Variants in ADGRV1 observed in about 807,000 individuals in gnomAD.
ADGRV1 encodes the protein adhesion G protein-coupled receptor V1.
ADGRV1 carries 359 observed loss-of-function variants against 596.2 expected under a neutral mutation model. That is an observed-to-expected ratio of 0.60 (90% CI 0.55 to 0.66). The LOEUF (loss-of-function observed/expected upper bound fraction) is 0.66. ADGRV1 is among the 30% of genes least tolerant of loss of function. The probability of loss-of-function intolerance (pLI) is 0.00; values close to 1 mark genes in which losing one functional copy is unlikely to be tolerated. For synonymous variants in ADGRV1, 2,681 were observed against 2,679.2 expected, an observed-to-expected ratio of 1.00 and a Z score of -0.02; for missense variants, 7,274 against 7,575.6, an observed-to-expected ratio of 0.96 and a Z score of 1.48.
intron 85 of ADGRV1, among the ~76,000 whole-genome samples, chr5:91,042,901 A>G (rs1006757789): frequency 6.6e-6 from 1 of 152,056 alleles, no homozygotes; most frequent in African/African-American, 2.4e-5. Context: ...TCAACTCTTT[A>G]TTGAGATCCT....
intron 87 of ADGRV1, among the ~76,000 whole-genome samples, chr5:91,131,813 C>T (rs1029015165): frequency 2.6e-5 from 4 of 152,062 alleles, no homozygotes; most frequent in Admixed American, 6.6e-5. Flanking sequence ...TCCCAATTGT[C>T]GATTTTTGTT....
chr5:91,019,377 T>C (rs545494573), intron 85 of ADGRV1, among the ~76,000 whole-genome samples: 23 of 152,160 alleles, frequency 1.5e-4, no homozygotes, highest in African/African-American at 5.3e-4. Flanking sequence ...GATTGTTGTC[T>C]CCTTTAATCT....
chr5:90,962,912 C>A (rs1320655054), intron 83 of ADGRV1, among the ~76,000 whole-genome samples: 2 of 152,004 alleles, frequency 1.3e-5, no homozygotes, highest in Non-Finnish European at 2.9e-5. Flanking sequence ...TAAACAAGAA[C>A]CTGTACTGAT....
chr5:91,061,368 T>C (rs1036234925), intron 85 of ADGRV1, among the ~76,000 whole-genome samples: 1 of 152,178 alleles, frequency 6.6e-6, no homozygotes, highest in Non-Finnish European at 1.5e-5. Context: ...AACAGGCTGC[T>C]CAGACTTGAG....
At chr5:90,587,131 T>A (rs1463157277) in intron 1 of ADGRV1, among the ~76,000 whole-genome samples, 1 of 152,214 alleles carries the variant, frequency 6.6e-6, no homozygotes, top group Non-Finnish European at 1.5e-5. Flanking sequence ...ATATTCCACG[T>A]GTTTCAAACA....
chr5:91,055,054 A>G (rs1390925881), intron 85 of ADGRV1, among the ~76,000 whole-genome samples: 1 of 152,200 alleles, frequency 6.6e-6, no homozygotes, highest in Non-Finnish European at 1.5e-5. Context: ...TAAACATTTA[A>G]ACACATATTA....
chr5:90,957,790 G>C (rs1777613507), intron 83 of ADGRV1, among the ~76,000 whole-genome samples: 1 of 151,348 alleles, frequency 6.6e-6, no homozygotes, highest in Non-Finnish European at 1.5e-5. Context: ...TATGCCAGGA[G>C]ATCAGGAGAG....
At chr5:90,824,704 A>C (rs1763922139) in intron 76 of ADGRV1, among the ~76,000 whole-genome samples, 1 of 152,208 alleles carries the variant, frequency 6.6e-6, no homozygotes, top group African/African-American at 2.4e-5. Flanking sequence ...CTTTACGTGA[A>C]ACAATGTGCT....
At position 90,651,687 on chromosome 5, in the gene ADGRV1, C is replaced by T; in HGVS notation, c.3373C>T (p.Pro1125Ser). The change falls in exon 18 of 90, where the codon CCC (proline) becomes TCC (serine). Residue 1125 changes from proline (P) to serine (S), a missense_variant. Transcript: ENST00000405460. ...DDPNGIFSLEPIDKAVEEGKT... is the reference protein window; with the variant it reads ...DDPNGIFSLESIDKAVEEGKT... ...CCCAAATGGCATTTTTTCTCTGGAG[C>T]CCATAGACAAAGCAGTGGAAGAAGG... The T allele has an allele frequency of 6.2e-7, 1 of 1,612,358 alleles. No homozygotes were observed. The highest frequency in any genetic ancestry group is 8.5e-7 in the Non-Finnish European group (1 of 1,178,942).
chr5:91,027,070 A>T (rs1390402547), intron 85 of ADGRV1, among the ~76,000 whole-genome samples: 1 of 151,492 alleles, frequency 6.6e-6, no homozygotes, highest in East Asian at 2.0e-4. Flanking sequence ...TGAACCCAGG[A>T]GGCAGAGGTT....
chr5:90,592,827 G>C (rs1759700628), intron 1 of ADGRV1, among the ~76,000 whole-genome samples: 1 of 152,206 alleles, frequency 6.6e-6, no homozygotes, highest in African/African-American at 2.4e-5. Context: ...CATTTATGCA[G>C]CCAACAGACA....
At chr5:91,040,425 G>T (rs1003611904) in intron 85 of ADGRV1, among the ~76,000 whole-genome samples, 36 of 152,168 alleles carry the variant, frequency 2.4e-4, no homozygotes, top group African/African-American at 8.7e-4. Flanking sequence ...GGAATCCTGT[G>T]TTGGGTGAAT....
At chr5:90,712,704 T>C (rs894969845) in intron 42 of ADGRV1, among the ~76,000 whole-genome samples, 1 of 152,200 alleles carries the variant, frequency 6.6e-6, no homozygotes, top group African/African-American at 2.4e-5. Flanking sequence ...AATTTGTAGA[T>C]GTCTTTCCTT....
chr5:91,019,259 A>G (rs1370170148), intron 85 of ADGRV1, among the ~76,000 whole-genome samples: 3 of 152,006 alleles, frequency 2.0e-5, no homozygotes, highest in Non-Finnish European at 4.4e-5. Flanking sequence ...CCAGAAGAAC[A>G]GGGAATAAAT....
At chr5:90,932,632 T>C (rs1775347883) in intron 83 of ADGRV1, among the ~76,000 whole-genome samples, 1 of 152,172 alleles carries the variant, frequency 6.6e-6, no homozygotes, top group Non-Finnish European at 1.5e-5. Flanking sequence ...TGATATTTAT[T>C]TTCAAATGTA....
chr5:90,887,345 TC>T (rs1391253453), intron 83 of ADGRV1, among the ~76,000 whole-genome samples: 2 of 152,142 alleles, frequency 1.3e-5, no homozygotes, highest in African/African-American at 4.8e-5. Context: ...ATGGAGGGCT[TC>T]ATCACTCTAT....
chr5:90,882,822 G>A (rs1769925940), intron 83 of ADGRV1, among the ~76,000 whole-genome samples: 1 of 152,018 alleles, frequency 6.6e-6, no homozygotes, highest in Non-Finnish European at 1.5e-5. Flanking sequence ...AAAAATATAA[G>A]TAATAAATTA....
chr5:90,924,953 G>A (rs9686488), intron 83 of ADGRV1, among the ~76,000 whole-genome samples: 103,663 of 148,476 alleles, frequency 0.7, 36,698 homozygotes, highest in East Asian at 0.99. Context: ...GATATGTGGC[G>A]TTATTTCTGA....
chr5:90,753,383 T>TAATAAAGTTAAAAAA (rs1755479835), intron 53 of ADGRV1, among the ~76,000 whole-genome samples, 191 bp from the exon 54 acceptor site: 29 of 152,126 alleles, frequency 1.9e-4, no homozygotes, highest in Admixed American at 1.9e-3. Flanking sequence ...AATGGTTTGC[T>TAATAAAGTTAAAAAA]CTTCCTTTTT....
Sources: gnomAD v4.1 joint callset for allele counts (sites outside exome capture counted in the v4.1 genomes callset) on GRCh38, gnomAD v4.1.1 for gene constraint, MANE v1.5 for transcripts, NCBI Gene and HGNC (gene_info 2026-07-23, HGNC 2026-07-21) for gene names.